The following PPFIA3 variants were observed in gnomAD, a reference collection of about 807,000 sequenced individuals.
PPFIA3 encodes the protein PPFI scaffold protein A3.
Under a neutral mutation model 145.8 loss-of-function variants are expected in PPFIA3, and 26 were observed. That is an observed-to-expected ratio of 0.18 (90% CI 0.13 to 0.25). The LOEUF is 0.25. Among genes scored for constraint, PPFIA3 ranks in the 10% least tolerant of loss-of-function variants. PPFIA3 has a pLI of 1.00. For synonymous variants in PPFIA3, 645 were observed against 661.4 expected, an observed-to-expected ratio of 0.98 and a Z score of 0.38; for missense variants, 1,008 against 1,587.8, an observed-to-expected ratio of 0.63 and a Z score of 6.21.
chr19:49,146,987 A>T (rs1476838280), intron 23 of PPFIA3, among the ~76,000 whole-genome samples: 1 of 152,208 alleles, frequency 6.6e-6, no homozygotes, highest in Non-Finnish European at 1.5e-5. Flanking sequence ...CTCACTGTCC[A>T]CGGAGGAATT....
In PPFIA3 at chr19:49,135,776, C is replaced by A; in HGVS notation, c.1521-3C>A. On this transcript the variant is annotated splice_polypyrimidine_tract_variant and splice_region_variant and intron_variant, in intron 13 of 29. Coordinates refer to ENST00000334186, the MANE Select transcript of PPFIA3 (RefSeq NM_003660.4). ...TCTCTGACTGCTTTCCTCATGCCCA[C>A]AGGTCTCTCCCTGGCAGTGCCCTGG... 1.9e-6 allele frequency: 3 copies of A among 1,606,250 alleles called. No homozygotes were observed. Among genetic ancestry groups the A allele is most frequent in the Non-Finnish European group, 2.6e-6 (3 of 1,176,072 alleles).
chr19:49,134,994 C>T, intron 13 of PPFIA3, 79 bp downstream of exon 13: 2 of 1,243,882 alleles, frequency 1.6e-6, no homozygotes, highest in Non-Finnish European at 2.2e-6. Context: ...CTGATCCCCA[C>T]TTCCTGTCCT....
Position 49,148,191 on chromosome 19 carries a change from C to T in PPFIA3, c.2944C>T (p.Arg982Ter). 1 of 1,614,166 alleles carries T rather than the reference C, an allele frequency of 6.2e-7. No individual in the cohort carries two copies. The highest frequency in any genetic ancestry group is 8.5e-7 in the Non-Finnish European group (1 of 1,180,034). Residue 982 changes from arginine to a stop codon, truncating the protein, a stop_gained, in exon 24 of 30, where the codon CGA becomes TGA. Transcript: ENST00000334186. LOFTEE classifies it high-confidence loss of function. ...CTTCATGGAGTCGCTGGTGGACGCT[C>T]GAATGTTAGATCACCTTAACAAGAA... ...SYFMESLVDA[R>*]MLDHLNKKEL...
chr19:49,136,450 G>T (rs917236269), intron 14 of PPFIA3, among the ~76,000 whole-genome samples: 1 of 152,178 alleles, frequency 6.6e-6, no homozygotes, highest in Non-Finnish European at 1.5e-5. Context: ...TTAGCCGGGC[G>T]TGGTAGCGGG....
chr19:49,138,728 G>A (rs766311231), intron 16 of PPFIA3, among the ~76,000 whole-genome samples: 10 of 152,158 alleles, frequency 6.6e-5, no homozygotes, highest in African/African-American at 2.2e-4. Flanking sequence ...CCAGCACTTC[G>A]GGAGGCCAAG....
At position 49,138,386 on chromosome 19, in the gene PPFIA3, C is replaced by G; in HGVS notation, c.2035C>G (p.Leu679Val). The change falls in exon 16 of 30, where the codon CTG (leucine) becomes GTG (valine). Residue 679 changes from leucine (L) to valine (V), a missense_variant. Coordinates refer to ENST00000334186, the MANE Select transcript of PPFIA3 (RefSeq NM_003660.4). ...PPSSGHSTPRLAPPSPAREGT... is the reference protein window; with the variant it reads ...PPSSGHSTPRVAPPSPAREGT... Reference sequence around the variant, plus strand: ...CAGCTCTGGCCACTCAACACCCCGCCTGGCACCCCCTAGCCCTGCCCGTGA... The same window carrying G: ...CAGCTCTGGCCACTCAACACCCCGCGTGGCACCCCCTAGCCCTGCCCGTGA... The G allele has an allele frequency of 6.3e-7, 1 of 1,591,704 alleles. No homozygotes were observed. The highest frequency in any genetic ancestry group is 8.6e-7 in the Non-Finnish European group (1 of 1,167,934).
At chr19:49,126,503 G>A (rs1465880097) in intron 1 of PPFIA3, among the ~76,000 whole-genome samples, 3 of 149,934 alleles carry the variant, frequency 2.0e-5, no homozygotes, top group Non-Finnish European at 3.0e-5. Context: ...TGCCCATCTC[G>A]GCCTCCCAAA....
Position 49,129,446 on chromosome 19 carries a change from A to C in PPFIA3, c.574A>C (p.Asn192His), listed in dbSNP as rs1014220700. 1 of 1,553,432 alleles carries C rather than the reference A, an allele frequency of 6.4e-7. No individual in the cohort carries two copies. The highest frequency in any genetic ancestry group is 1.2e-5 in the South Asian group (1 of 84,202). ...GCTCGAGGAGGAGCTGGAACTGAGC[A>C]ATCAGGAGGTGTGGGTGTGGCCAAG... ...AVLEEELELSNQETLNLREQL... is the reference protein window; with the variant it reads ...AVLEEELELSHQETLNLREQL... The change falls in exon 5 of 30, where the codon AAT becomes CAT. Residue 192 changes from asparagine to histidine, a missense_variant. Physicochemically the swap from Asn to His is moderately conservative, Grantham distance 68. Transcript: ENST00000334186.
chr19:49,139,949 C>T lies in PPFIA3; in HGVS notation c.2241-12C>T. 1.9e-6 allele frequency: 3 copies of T among 1,614,138 alleles called. No individual in the cohort carries two copies. The highest frequency in any genetic ancestry group is 1.7e-5 in the Admixed American group (1 of 60,014). ...AGCAAGCATATGCTCTCATTCTCTC[C>T]TGCTTTCCCAGTGAGGGCACCCCAG... On this transcript the variant is annotated splice_polypyrimidine_tract_variant and intron_variant, in intron 17 of 29. Coordinates refer to ENST00000334186, the MANE Select transcript of PPFIA3 (RefSeq NM_003660.4).
Position 49,130,531 on chromosome 19 carries a change from G to A in PPFIA3, c.811G>A (p.Gly271Ser), listed in dbSNP as rs747377137. The stretch of plus-strand genomic sequence containing the variant: ...GATGAGCCAGCTGGAGGAGGAGTTG[G>A]GCACCGCGCACCGTGAGCTGGGCAA... ...RQMSQLEEEL[G>S]TAHRELGKAE... The change falls in exon 7 of 30, where the codon GGC becomes AGC. Residue 271 changes from glycine (G) to serine (S), a missense_variant. Transcript: ENST00000334186. The surrounding 1 kb of genome is among the most constrained non-coding windows in gnomAD (Gnocchi z 4.5). 1 of 1,584,724 alleles carries A rather than the reference G, an allele frequency of 6.3e-7. No homozygotes were observed. Among genetic ancestry groups the A allele is most frequent in the Non-Finnish European group, 8.6e-7 (1 of 1,166,458 alleles).
rs116969130 is a variant in PPFIA3, at chr19:49,121,838, T to C, written c.-16+2116T>C. Among the ~76,000 whole-genome samples, 32 of 152,188 alleles carry C rather than the reference T, an allele frequency of 2.1e-4. No homozygotes were observed. In the East Asian group the frequency reaches 5.6e-3, roughly 27 times the overall value. ...TTTTGTAGAGATGGGGGTTTCGCCATGTTGCCCAGACTGGTCTGAAACTCC... is the reference window on the plus strand; with the variant it reads ...TTTTGTAGAGATGGGGGTTTCGCCACGTTGCCCAGACTGGTCTGAAACTCC... On this transcript the variant is annotated intron_variant, in intron 1 of 29. Transcript: ENST00000334186.
At chr19:49,147,946 C>T (rs897033030) in intron 23 of PPFIA3, 137 bp from the exon 24 acceptor site, 2 of 860,516 alleles carry the variant, frequency 2.3e-6, no homozygotes, top group African/African-American at 3.4e-5. Flanking sequence ...GGTCCATTAT[C>T]CTGAGCAGAG....
chr19:49,137,628 C>CAAAAAAAAAAGAAAAAA (rs2041154851), intron 15 of PPFIA3, among the ~76,000 whole-genome samples: 1 of 43,774 alleles, frequency 2.3e-5, no homozygotes. Context: ...GACTCCGTGT[C>CAAAAAAAAAAGAAAAAA]AAAAAAAAAA....
chr19:49,137,233 A>G (rs1415793309), intron 15 of PPFIA3: 1 of 238,452 alleles, frequency 4.2e-6, no homozygotes, highest in Non-Finnish European at 8.0e-6. Flanking sequence ...TCACATAACC[A>G]GTGCCCAGAG....
In PPFIA3 at chr19:49,130,657, C is replaced by T. The variant is rs1200814732; in HGVS notation, c.879+58C>T. ...TCCCTCGCCTTTCCGTAGAGCTCTC[C>T]CTCGCGCATTGCTCATGAATGGCGG... On this transcript the variant is annotated intron_variant, in intron 7 of 29. Coordinates refer to ENST00000334186, the MANE Select transcript of PPFIA3 (RefSeq NM_003660.4). The surrounding 1 kb of genome is among the most constrained non-coding windows in gnomAD (Gnocchi z 4.5). 3 of 1,421,574 alleles carry T rather than the reference C, an allele frequency of 2.1e-6. No homozygotes were observed. Among genetic ancestry groups the T allele is most frequent in the African/African-American group, 2.8e-5 (2 of 70,350 alleles). The allele number at this position is 1,421,574 out of a possible 1,614,324, so 88.1% of individuals were successfully genotyped here.
intron 21 of PPFIA3, among the ~76,000 whole-genome samples, chr19:49,145,338 C>T (rs1007339810): frequency 5.3e-5 from 8 of 152,180 alleles, no homozygotes; most frequent in Non-Finnish European, 1.2e-4. Flanking sequence ...TGAGCCACCA[C>T]GCCTGGCCAC....
intron 16 of PPFIA3, 68 bp downstream of exon 16, chr19:49,138,495 T>G: frequency 1.5e-6 from 2 of 1,333,422 alleles, no homozygotes; most frequent in African/African-American, 3.0e-5. Context: ...GGCTCCCCAG[T>G]GTACAGCAAC....
At chr19:49,122,671 T>C (rs1187106477) in intron 1 of PPFIA3, among the ~76,000 whole-genome samples, 2 of 152,100 alleles carry the variant, frequency 1.3e-5, no homozygotes, top group African/African-American at 2.4e-5. Flanking sequence ...AAGGAAGTTC[T>C]ATCTAATTGC....
At chr19:49,123,070 C>T (rs944248751) in intron 1 of PPFIA3, among the ~76,000 whole-genome samples, 2 of 147,194 alleles carry the variant, frequency 1.4e-5, no homozygotes, top group Non-Finnish European at 3.0e-5. Flanking sequence ...ACTCTGTCAC[C>T]CAGGCTGGAG....
Sources: allele counts gnomAD v4.1 joint callset (sites outside exome capture counted in the v4.1 genomes callset), GRCh38; gene constraint gnomAD v4.1.1; non-coding constraint Gnocchi (gnomAD v3.1); transcripts MANE v1.5; gene names NCBI Gene and HGNC (gene_info 2026-07-23, HGNC 2026-07-21).